Variants in LYPLAL1 observed in about 807,000 individuals in gnomAD.
LYPLAL1 encodes lysophospholipase like 1, also known as lysophospholipase-like protein 1.
LYPLAL1 carries 23 observed loss-of-function variants against 19.7 expected under a neutral mutation model. That is an observed-to-expected ratio of 1.17 (90% CI 0.84 to 1.65). The LOEUF (loss-of-function observed/expected upper bound fraction) is 1.65. Ranked by LOEUF, LYPLAL1 falls within the 40% of genes most tolerant of loss-of-function variation. LYPLAL1 has a pLI of 0.00. For missense variants in LYPLAL1, 355 were observed against 279.4 expected, an observed-to-expected ratio of 1.27 and a Z score of -1.93; for synonymous variants, 119 against 96.3, an observed-to-expected ratio of 1.24 and a Z score of -1.38.
the LYPLAL1 span, among the ~76,000 whole-genome samples, chr1:219,284,504 A>G: frequency 6.6e-6 from 1 of 152,208 alleles, no homozygotes; most frequent in African/African-American, 2.4e-5. Context: ...ATATACACCT[A>G]CTATGTACCT....
At chr1:219,179,826 C>T (rs1368694542) in intron 2 of LYPLAL1, among the ~76,000 whole-genome samples, 1 of 152,144 alleles carries the variant, frequency 6.6e-6, no homozygotes, top group Non-Finnish European at 1.5e-5. Flanking sequence ...TGAGGTCAAA[C>T]TACTCTTTGT....
At chr1:219,226,862 A>G in the LYPLAL1 span, among the ~76,000 whole-genome samples, 1 of 152,232 alleles carries the variant, frequency 6.6e-6, no homozygotes, top group Non-Finnish European at 1.5e-5. Flanking sequence ...GGAAAAGTTT[A>G]AAATCATATA....
At chr1:219,399,817 G>A in the LYPLAL1 span, among the ~76,000 whole-genome samples, 9 of 152,146 alleles carry the variant, frequency 5.9e-5, no homozygotes, top group East Asian at 1.2e-3. Flanking sequence ...GTTCAGGTCC[G>A]ACAGTTCTGC....
At chr1:219,366,725 G>A in the LYPLAL1 span, among the ~76,000 whole-genome samples, 4 of 152,106 alleles carry the variant, frequency 2.6e-5, no homozygotes, top group African/African-American at 9.7e-5. Flanking sequence ...TCTTACCACA[G>A]AGAGAGCACA....
chr1:219,229,757 G>A, the LYPLAL1 span, among the ~76,000 whole-genome samples: 2 of 152,194 alleles, frequency 1.3e-5, no homozygotes. Context: ...TGAGCAGTGG[G>A]ACACTAAAGA....
chr1:219,233,841 A>G, the LYPLAL1 span, among the ~76,000 whole-genome samples: 1 of 152,156 alleles, frequency 6.6e-6, no homozygotes. Flanking sequence ...GCCTAACAAA[A>G]TGCAGTCAGA....
chr1:219,325,058 T>C, the LYPLAL1 span, among the ~76,000 whole-genome samples: 1 of 152,116 alleles, frequency 6.6e-6, no homozygotes. Flanking sequence ...AACTTCTTTG[T>C]TTTCAAAAAA....
At chr1:219,428,880 T>C in the LYPLAL1 span, among the ~76,000 whole-genome samples, 1 of 152,218 alleles carries the variant, frequency 6.6e-6, no homozygotes, top group Non-Finnish European at 1.5e-5. Flanking sequence ...TTCCTTCTTA[T>C]GCATGGATCC....
the LYPLAL1 span, among the ~76,000 whole-genome samples, chr1:219,331,025 C>T: frequency 1.3e-5 from 2 of 152,164 alleles, no homozygotes; most frequent in African/African-American, 4.8e-5. Context: ...TAGTTTCTAT[C>T]ATGTAAAGGT....
chr1:219,346,151 G>T, the LYPLAL1 span, among the ~76,000 whole-genome samples: 2 of 152,130 alleles, frequency 1.3e-5, no homozygotes, highest in African/African-American at 4.8e-5. Context: ...GGCTTTATTG[G>T]GGTGCTGCAG....
chr1:219,315,372 G>A, the LYPLAL1 span, among the ~76,000 whole-genome samples: 560 of 151,860 alleles, frequency 3.7e-3, 5 homozygotes, highest in African/African-American at 0.012. Flanking sequence ...GTCAATCTTC[G>A]CCTAGAAAAT....
the LYPLAL1 span, among the ~76,000 whole-genome samples, chr1:219,241,134 C>CTCTCTCTCTATATATATATATATATA: frequency 3.2e-4 from 14 of 44,354 alleles, no homozygotes; most frequent in Non-Finnish European, 5.6e-4. Flanking sequence ...CTCTCTCTCT[C>CTCTCTCTCTATATATATATATATATA]TATATATATA....
the LYPLAL1 span, among the ~76,000 whole-genome samples, chr1:219,372,765 A>G: frequency 6.6e-6 from 1 of 152,108 alleles, no homozygotes; most frequent in African/African-American, 2.4e-5. Context: ...TTGGCCAAGC[A>G]TGGTGATATG....
the LYPLAL1 span, among the ~76,000 whole-genome samples, chr1:219,410,910 A>G: frequency 7.9e-5 from 12 of 152,238 alleles, no homozygotes; most frequent in Non-Finnish European, 1.2e-4. Context: ...CGGGACCTGC[A>G]GCCCACCATG....
At chr1:219,338,736 C>G in the LYPLAL1 span, among the ~76,000 whole-genome samples, 3 of 151,800 alleles carry the variant, frequency 2.0e-5, no homozygotes, top group Non-Finnish European at 4.4e-5. Flanking sequence ...CTGAGCTCTC[C>G]CCTTGACTTA....
the LYPLAL1 span, among the ~76,000 whole-genome samples, chr1:219,373,560 T>C: frequency 2.1e-3 from 316 of 152,324 alleles, no homozygotes; most frequent in African/African-American, 7.0e-3. Flanking sequence ...ATTTTTTTAG[T>C]TCTCTTTTTC....
chr1:219,294,880 G>T, the LYPLAL1 span, among the ~76,000 whole-genome samples: 2 of 152,168 alleles, frequency 1.3e-5, no homozygotes, highest in East Asian at 1.9e-4. Context: ...GAATCCTTCT[G>T]GGTGTAGAGC....
the LYPLAL1 span, among the ~76,000 whole-genome samples, chr1:219,400,754 C>T: frequency 6.6e-6 from 1 of 152,214 alleles, no homozygotes; most frequent in East Asian, 1.9e-4. Flanking sequence ...CCTGCCTCAA[C>T]CTCCTAGAGT....
At chr1:219,319,296 C>G in the LYPLAL1 span, among the ~76,000 whole-genome samples, 3 of 152,124 alleles carry the variant, frequency 2.0e-5, no homozygotes, top group African/African-American at 7.2e-5. Context: ...AGCTGAGCCT[C>G]TGACCCGTGG....
Sources: gnomAD v4.1 joint callset for allele counts (sites outside exome capture counted in the v4.1 genomes callset) on GRCh38, gnomAD v4.1.1 for gene constraint, MANE v1.5 for transcripts, NCBI Gene and HGNC (gene_info 2026-07-23, HGNC 2026-07-21) for gene names.